FMN1: variants seen among roughly 807,000 people sequenced by gnomAD.
FMN1 encodes the protein formin 1.
In FMN1, 110 loss-of-function variants were observed where a neutral mutation model predicts 132.4. That is an observed-to-expected ratio of 0.83 (90% CI 0.71 to 0.97). FMN1 has a LOEUF of 0.97. Among genes scored for constraint, FMN1 ranks in the 50% least tolerant of loss-of-function variants. The pLI is 0.00. For synonymous variants in FMN1, 722 were observed against 651.7 expected, an observed-to-expected ratio of 1.11 and a Z score of -1.64; for missense variants, 1,792 against 1,705.3, an observed-to-expected ratio of 1.05 and a Z score of -0.90.
intron 4 of FMN1, among the ~76,000 whole-genome samples, chr15:33,128,146 G>A (rs1394291215): frequency 6.6e-6 from 1 of 151,104 alleles, no homozygotes; most frequent in African/African-American, 2.5e-5. Flanking sequence ...AGTAGAGAGT[G>A]TAACAGAAGT....
chr15:33,011,705 C>G (rs1566823012), intron 6 of FMN1, among the ~76,000 whole-genome samples: 1 of 151,946 alleles, frequency 6.6e-6, no homozygotes, highest in African/African-American at 2.4e-5. Context: ...CTTGCAACAC[C>G]ATCAATCAAG....
intron 9 of FMN1, among the ~76,000 whole-genome samples, chr15:32,962,612 C>T (rs2030701952): frequency 6.6e-6 from 1 of 151,130 alleles, no homozygotes; most frequent in South Asian, 2.1e-4. Flanking sequence ...GGGCTAATAT[C>T]CAGAATCTAC....
At chr15:33,035,965 C>G (rs345884) in intron 6 of FMN1, among the ~76,000 whole-genome samples, 59,288 of 151,904 alleles carry the variant, frequency 0.39, 11,949 homozygotes, top group Admixed American at 0.48. Flanking sequence ...GGAAGAGAGA[C>G]CTGTGTTTGC....
At chr15:32,973,926 T>C (rs548613016) in intron 7 of FMN1, among the ~76,000 whole-genome samples, 6 of 152,314 alleles carry the variant, frequency 3.9e-5, no homozygotes, top group Non-Finnish European at 8.8e-5. Flanking sequence ...GATACACAGC[T>C]AGAAAGACTG....
At chr15:33,155,902 A>C (rs1964652673) in intron 3 of FMN1, among the ~76,000 whole-genome samples, 2 of 152,188 alleles carry the variant, frequency 1.3e-5, no homozygotes, top group Admixed American at 1.3e-4. Context: ...ATCCCCACAC[A>C]CAAACTCTAT....
At chr15:33,029,573 C>A (rs2035839433) in intron 6 of FMN1, among the ~76,000 whole-genome samples, 1 of 151,888 alleles carries the variant, frequency 6.6e-6, no homozygotes, top group South Asian at 2.1e-4. Context: ...CTTTTGTAGT[C>A]CAGACAAGGG....
intron 17 of FMN1, among the ~76,000 whole-genome samples, chr15:32,831,070 G>C (rs1299289918): frequency 6.6e-6 from 1 of 152,150 alleles, no homozygotes; most frequent in Non-Finnish European, 1.5e-5. Context: ...AAGTCACATA[G>C]ATCCAGCCCA....
At chr15:32,907,096 C>A (rs1477712785) in intron 12 of FMN1, among the ~76,000 whole-genome samples, 1 of 152,114 alleles carries the variant, frequency 6.6e-6, no homozygotes, top group Admixed American at 6.5e-5. Context: ...GGACCGGTTT[C>A]GAGGAAGACA....
chr15:32,794,480 C>T (rs538377402), intron 19 of FMN1, among the ~76,000 whole-genome samples: 7 of 151,738 alleles, frequency 4.6e-5, no homozygotes, highest in South Asian at 2.1e-4. Flanking sequence ...TGTGCATGCG[C>T]GGGCATATGT....
chr15:32,909,390 C>T (rs887296454), intron 11 of FMN1, among the ~76,000 whole-genome samples: 2 of 152,174 alleles, frequency 1.3e-5, no homozygotes, highest in African/African-American at 4.8e-5. Flanking sequence ...TATTTGTGTA[C>T]TTTCTGGTTT....
At chr15:32,792,348 G>T (rs1328485432) in intron 19 of FMN1, among the ~76,000 whole-genome samples, 2 of 151,812 alleles carry the variant, frequency 1.3e-5, no homozygotes, top group African/African-American at 4.8e-5. Context: ...GGGAGGCTGA[G>T]GCAGGAGAAT....
intron 2 of FMN1, among the ~76,000 whole-genome samples, chr15:33,190,740 A>G (rs2140361603): frequency 6.6e-6 from 1 of 152,324 alleles, no homozygotes; most frequent in African/African-American, 2.4e-5. Context: ...TGTGAGTACT[A>G]GTATCCTGGC....
chr15:33,193,781 A>G (rs1165031376), intron 2 of FMN1, 128 bp downstream of exon 2: 4 of 152,012 alleles, frequency 2.6e-5, no homozygotes, highest in African/African-American at 9.7e-5. Context: ...AAATCCTCCC[A>G]GCTCACACTC....
chr15:32,953,997 A>G (rs1378091016), intron 9 of FMN1, among the ~76,000 whole-genome samples: 1 of 152,228 alleles, frequency 6.6e-6, no homozygotes, highest in African/African-American at 2.4e-5. Flanking sequence ...TCTGGAAAGC[A>G]TATTTGCAAA....
At chr15:33,183,715 C>A (rs75056335) in intron 2 of FMN1, among the ~76,000 whole-genome samples, 2,774 of 152,240 alleles carry the variant, frequency 0.018, 90 homozygotes, top group African/African-American at 0.061. Flanking sequence ...GCACTAAATT[C>A]ATTTAAGCAT....
chr15:33,016,336 T>G (rs924066197), intron 6 of FMN1, among the ~76,000 whole-genome samples: 2 of 152,182 alleles, frequency 1.3e-5, no homozygotes, highest in African/African-American at 4.8e-5. Context: ...CACAAGTCAT[T>G]TATTCCAAAA....
intron 5 of FMN1, among the ~76,000 whole-genome samples, chr15:33,077,041 T>G (rs113271460): frequency 2.3e-4 from 35 of 152,282 alleles, no homozygotes; most frequent in African/African-American, 7.9e-4. Flanking sequence ...ATGATCCAAT[T>G]TTTTTGAGAC....
At chr15:32,882,714 A>G (rs1436768147) in intron 16 of FMN1, among the ~76,000 whole-genome samples, 1 of 152,220 alleles carries the variant, frequency 6.6e-6, no homozygotes, top group Non-Finnish European at 1.5e-5. Flanking sequence ...GTACCATGCA[A>G]TATTTGAGAT....
rs886479682 is a variant in FMN1 at position 32,969,030 on chromosome 15, C to T, written c.2671G>A (p.Ala891Thr). The T allele has an allele frequency of 3.0e-6, 4 of 1,346,776 alleles. No individual in the cohort carries two copies. The highest frequency in any genetic ancestry group is 3.4e-5 in the African/African-American group (2 of 58,988). 83.4% of individuals were successfully genotyped at this position (1,346,776 alleles called of 1,614,324 possible). ...LPSGLGSLSPAPPMPPVSAGP... is the reference protein window; with the variant it reads ...LPSGLGSLSPTPPMPPVSAGP... ...GCACTCACAGGTGGCATTGGAGGTG[C>T]GGGAGACAAAGATCCAAGTCCTGAG... is the stretch of plus-strand genomic sequence containing the variant. The change falls in exon 8 of 21, where the codon GCA (alanine) becomes ACA (threonine). Residue 891 changes from alanine to threonine, a missense_variant. Ala to Thr is a moderately conservative substitution (Grantham distance 58). Transcript: ENST00000616417.
Sources: gnomAD v4.1 joint callset for allele counts (sites outside exome capture counted in the v4.1 genomes callset) on GRCh38, gnomAD v4.1.1 for gene constraint, MANE v1.5 for transcripts, NCBI Gene and HGNC (gene_info 2026-07-23, HGNC 2026-07-21) for gene names.